Variants in LCP1 observed in about 807,000 individuals in gnomAD.
LCP1 encodes plastin-2.
Under a neutral mutation model 72.0 loss-of-function variants are expected in LCP1, and 23 were observed. The ratio of observed to expected loss-of-function variants is 0.32; its 90% CI spans 0.23 to 0.45. The LOEUF (loss-of-function observed/expected upper bound fraction) is 0.45, where lower values mean the gene tolerates loss of function less well. LCP1 is among the 20% of genes least tolerant of loss of function. The probability of loss-of-function intolerance (pLI) is 1.00; values close to 1 mark genes in which losing one functional copy is unlikely to be tolerated. For missense variants in LCP1, 571 were observed against 748.3 expected, an observed-to-expected ratio of 0.76 and a Z score of 2.76; for synonymous variants, 245 against 275.4, an observed-to-expected ratio of 0.89 and a Z score of 1.09.
intron 1 of LCP1, among the ~76,000 whole-genome samples, chr13:46,178,385 T>C (rs2045941662): frequency 1.3e-5 from 2 of 152,052 alleles, no homozygotes; most frequent in African/African-American, 4.8e-5. Context: ...GTCAATAGTA[T>C]AAGGCAGGAA....
chr13:46,136,463 C>G (rs942242966), intron 13 of LCP1, among the ~76,000 whole-genome samples: 1 of 151,950 alleles, frequency 6.6e-6, no homozygotes. Flanking sequence ...CACAGAGAGG[C>G]GGGTGAAATA....
chr13:46,140,860 A>G (rs2138230586), intron 13 of LCP1, among the ~76,000 whole-genome samples: 1 of 152,304 alleles, frequency 6.6e-6, no homozygotes, highest in South Asian at 2.1e-4. Flanking sequence ...CATGCAAAAT[A>G]AAAGAGATTA....
chr13:46,153,765 G>A (rs781047131), intron 6 of LCP1, among the ~76,000 whole-genome samples: 23 of 151,984 alleles, frequency 1.5e-4, no homozygotes, highest in Non-Finnish European at 1.5e-5. Context: ...GGAAAAGATG[G>A]AATGGTTTTT....
intron 13 of LCP1, among the ~76,000 whole-genome samples, chr13:46,138,923 A>C (rs1448513448): frequency 2.0e-5 from 3 of 152,118 alleles, no homozygotes; most frequent in Non-Finnish European, 4.4e-5. Flanking sequence ...CTGGGATTAC[A>C]GTATGAGCCA....
chr13:46,169,983 C>A (rs528448132), intron 1 of LCP1, among the ~76,000 whole-genome samples: 2 of 152,276 alleles, frequency 1.3e-5, no homozygotes, highest in African/African-American at 4.8e-5. Context: ...GAGCTTTGGT[C>A]CAGATCTCTG....
In LCP1 at chr13:46,127,252, G is replaced by C. The variant is rs751631546; in HGVS notation, c.*339C>G. 1 of 263,166 alleles carries C rather than the reference G, an allele frequency of 3.8e-6. No homozygotes were observed. The highest frequency in any genetic ancestry group is 7.3e-6 in the Non-Finnish European group (1 of 137,378). The allele number at this position is 263,166 out of a possible 1,614,324, so 16.3% of individuals were successfully genotyped here. A position where few individuals can be genotyped will look rare whatever the true frequency, so the allele number is the denominator to read the frequency against. ...GAAGCCACATGAAGCTGGTTTGAAAGATTATATCAAAATTAATACCACTGC... is the reference window on the plus strand; with the variant it reads ...GAAGCCACATGAAGCTGGTTTGAAACATTATATCAAAATTAATACCACTGC... On this transcript the variant is annotated 3_prime_UTR_variant, in exon 16 of 16. Transcript: ENST00000323076.
At chr13:46,127,926 G>A (rs547763913) in intron 15 of LCP1, among the ~76,000 whole-genome samples, 41 of 152,138 alleles carry the variant, frequency 2.7e-4, no homozygotes, top group Middle Eastern at 3.4e-3. Context: ...AGACTTGCTG[G>A]CTAGTCTCGT....
At chr13:46,135,404 T>G (rs756328367) in intron 13 of LCP1, among the ~76,000 whole-genome samples, 2 of 152,200 alleles carry the variant, frequency 1.3e-5, no homozygotes, top group African/African-American at 4.8e-5. Context: ...CCTCCACTTG[T>G]GTGCTCTAGG....
chr13:46,167,235 C>A (rs2045881519), intron 1 of LCP1, among the ~76,000 whole-genome samples: 1 of 152,170 alleles, frequency 6.6e-6, no homozygotes, highest in African/African-American at 2.4e-5. Context: ...AGCTAGCAAT[C>A]CAGATTACTC....
At chr13:46,162,500 C>T (rs1260805859) in intron 1 of LCP1, among the ~76,000 whole-genome samples, 1 of 152,078 alleles carries the variant, frequency 6.6e-6, no homozygotes, top group Non-Finnish European at 1.5e-5. Flanking sequence ...CGGGGTTTCG[C>T]TGTGTTGGCC....
chr13:46,131,166 A>G (rs2045631966), intron 14 of LCP1, among the ~76,000 whole-genome samples: 1 of 152,228 alleles, frequency 6.6e-6, no homozygotes, highest in African/African-American at 2.4e-5. Flanking sequence ...TCATTCTCAA[A>G]TAATAAATGG....
At chr13:46,134,962 AGCTGGACATGGCAGC>A (rs2045655428) in intron 13 of LCP1, among the ~76,000 whole-genome samples, 1 of 152,224 alleles carries the variant, frequency 6.6e-6, no homozygotes, top group South Asian at 2.1e-4. Context: ...ACAAAAAATT[AGCTGGACATGGCAGC>A]GCTTGTCTGT....
At chr13:46,136,074 T>TAC (rs58984200) in intron 13 of LCP1, among the ~76,000 whole-genome samples, 30,932 of 143,762 alleles carry the variant, frequency 0.22, 3,428 homozygotes, top group East Asian at 0.37. Flanking sequence ...CATCGTGTGC[T>TAC]ACACACACAC....
chr13:46,138,641 G>GTTTGTTTGTTTGTT (rs2045679389), intron 13 of LCP1, among the ~76,000 whole-genome samples: 2 of 152,040 alleles, frequency 1.3e-5, no homozygotes, highest in African/African-American at 4.8e-5. Context: ...GGGTTGACCT[G>GTTTGTTTGTTTGTT]AGTTTGTTTG....
rs558287781 is a variant in LCP1, at chr13:46,162,725, T to G, written c.-24-3039A>C. Among the ~76,000 whole-genome samples, 799 of 147,956 alleles carry G rather than the reference T, an allele frequency of 5.4e-3. 3 individuals carry two copies. The highest frequency in any genetic ancestry group is 0.019 in the African/African-American group (766 of 40,064). The stretch of plus-strand genomic sequence containing the variant: ...GCAGCCTCTGCCCAGCCGCCACCCC[T>G]TCCGGGAAGTGAGGAGCGTCTCTGC... On this transcript the variant is annotated intron_variant, in intron 1 of 15. Transcript: ENST00000323076.
chr13:46,176,096 T>C lies in LCP1; in HGVS notation c.-25+6015A>G, dbSNP rs143552014. Among the ~76,000 whole-genome samples the C allele has an allele frequency of 1.9e-4, 29 of 152,270 alleles. No homozygotes were observed. The East Asian group carries it at 5.6e-3, about 29-fold the overall frequency. ...GGAGGATAGGAGAGATTTGTTTAGA[T>C]ACAAAATTATAGCTAGACAGGAGGA... On this transcript the variant is annotated intron_variant, in intron 1 of 15. Coordinates refer to ENST00000323076, the MANE Select transcript of LCP1 (RefSeq NM_002298.5).
At chr13:46,151,193 T>A in intron 7 of LCP1, 115 bp from the exon 8 acceptor site, 1 of 994,320 alleles carries the variant, frequency 1.0e-6, no homozygotes, top group Non-Finnish European at 1.4e-6. Flanking sequence ...GTTACCTCTT[T>A]GGGGTAAAGG....
chr13:46,167,114 C>A (rs1018874613), intron 1 of LCP1, among the ~76,000 whole-genome samples: 6 of 152,252 alleles, frequency 3.9e-5, no homozygotes, highest in Admixed American at 1.3e-4. Context: ...TCTCTGCAGG[C>A]TCTGATGTAA....
At chr13:46,156,320 A>G (rs2045800692) in intron 5 of LCP1, 118 bp downstream of exon 5, 1 of 1,162,338 alleles carries the variant, frequency 8.6e-7, no homozygotes, top group Non-Finnish European at 1.2e-6. Flanking sequence ...AAGTCCAGAA[A>G]AGCCTTCTAG....
Sources: allele counts gnomAD v4.1 joint callset (sites outside exome capture counted in the v4.1 genomes callset), GRCh38; gene constraint gnomAD v4.1.1; transcripts MANE v1.5; gene names NCBI Gene and HGNC (gene_info 2026-07-23, HGNC 2026-07-21).